Variants in NEGR1 observed in about 807,000 individuals in gnomAD.
NEGR1 encodes IgLON family member 4.
A neutral mutation model predicts 40.9 loss-of-function variants in NEGR1; 10 were observed. The ratio of observed to expected loss-of-function variants is 0.24; its 90% CI spans 0.15 to 0.42. The LOEUF (loss-of-function observed/expected upper bound fraction) is 0.42. Ranked by LOEUF, NEGR1 falls within the 10% of genes least tolerant of loss-of-function variation. The pLI is 1.00. For missense variants in NEGR1, 352 were observed against 438.9 expected (o/e 0.80, Z 1.77); for synonymous variants, 185 against 166.8 (o/e 1.11, Z -0.84).
intron 1 of NEGR1, among the ~76,000 whole-genome samples, chr1:72,185,516 T>C (rs995319969): frequency 2.0e-5 from 3 of 151,858 alleles, no homozygotes; most frequent in African/African-American, 7.2e-5. Context: ...AGGAGAGCTG[T>C]AGAATGGCTG....
intron 1 of NEGR1, among the ~76,000 whole-genome samples, chr1:72,076,706 ACACACATGCGTG>A (rs144632222): frequency 0.024 from 3,724 of 152,164 alleles, 143 homozygotes; most frequent in African/African-American, 0.084. Context: ...ATACATATAT[ACACACATGCGTG>A]CACACGCGCA....
At chr1:71,697,844 A>G in intron 4 of NEGR1, 164 bp downstream of exon 4, 1 of 620,166 alleles carries the variant, frequency 1.6e-6, no homozygotes, top group South Asian at 2.1e-5. Context: ...TGTTACATTA[A>G]CCAATTTAAC....
At chr1:71,658,235 C>T (rs1319799660) in intron 4 of NEGR1, among the ~76,000 whole-genome samples, 3 of 152,070 alleles carry the variant, frequency 2.0e-5, no homozygotes, top group African/African-American at 2.4e-5. Context: ...TAGTGTGTGA[C>T]GTATAGCAAT....
chr1:71,853,254 G>GA (rs1367500307), intron 2 of NEGR1, among the ~76,000 whole-genome samples: 1 of 152,042 alleles, frequency 6.6e-6, no homozygotes, highest in African/African-American at 2.4e-5. Flanking sequence ...TATTTTTACA[G>GA]ATGCTACTCA....
chr1:72,184,459 A>G (rs1172032104), intron 1 of NEGR1, among the ~76,000 whole-genome samples: 1 of 152,086 alleles, frequency 6.6e-6, no homozygotes, highest in Non-Finnish European at 1.5e-5. Context: ...AGCTCCATGA[A>G]CTAAGAGAGA....
chr1:71,805,350 T>C (rs1430730934), intron 2 of NEGR1, among the ~76,000 whole-genome samples: 2 of 152,176 alleles, frequency 1.3e-5, no homozygotes, highest in Non-Finnish European at 2.9e-5. Context: ...TTGAAATCAC[T>C]AATAAAAACT....
intron 6 of NEGR1, among the ~76,000 whole-genome samples, chr1:71,562,809 A>T (rs1211547207): frequency 6.6e-6 from 1 of 151,990 alleles, no homozygotes; most frequent in African/African-American, 2.4e-5. Context: ...TCACGTAAAC[A>T]GTTCAACTGC....
At chr1:72,243,010 G>A (rs779117096) in intron 1 of NEGR1, among the ~76,000 whole-genome samples, 13 of 151,496 alleles carry the variant, frequency 8.6e-5, no homozygotes, top group Non-Finnish European at 1.8e-4. Flanking sequence ...ATTCATTGAA[G>A]ACAGAATAAT....
chr1:71,582,665 G>T (rs1335468603), intron 6 of NEGR1, among the ~76,000 whole-genome samples: 2 of 152,094 alleles, frequency 1.3e-5, no homozygotes, highest in African/African-American at 4.8e-5. Flanking sequence ...AATATGCTTT[G>T]GGCAGCCAAT....
chr1:71,794,584 G>A (rs762971350), intron 2 of NEGR1: 8 of 151,934 alleles, frequency 5.3e-5, no homozygotes, highest in Non-Finnish European at 8.8e-5. Context: ...CTCATGCCAT[G>A]TACATAAATA....
intron 6 of NEGR1, among the ~76,000 whole-genome samples, chr1:71,527,405 ATCCAT>A (rs1441263354): frequency 9.7e-5 from 4 of 41,084 alleles, no homozygotes; most frequent in Non-Finnish European, 2.1e-4. Context: ...TCCAACCACC[ATCCAT>A]CCATCCATCC....
At chr1:72,142,808 T>C (rs1215536349) in intron 1 of NEGR1, among the ~76,000 whole-genome samples, 5 of 151,836 alleles carry the variant, frequency 3.3e-5, no homozygotes, top group Non-Finnish European at 4.4e-5. Flanking sequence ...CCTATTCCTT[T>C]TCTTGAAATC....
intron 3 of NEGR1, among the ~76,000 whole-genome samples, chr1:71,753,480 C>G (rs1008979810): frequency 6.6e-6 from 1 of 152,088 alleles, no homozygotes; most frequent in Non-Finnish European, 1.5e-5. Context: ...TCTCAGGAGT[C>G]TTTTGCCCAT....
At chr1:71,824,406 G>C (rs1042270882) in intron 2 of NEGR1, among the ~76,000 whole-genome samples, 3 of 150,698 alleles carry the variant, frequency 2.0e-5, no homozygotes, top group African/African-American at 7.3e-5. Context: ...AAAATCAGAA[G>C]ACCTGGATTC....
chr1:71,931,879 C>A (rs1353327516), intron 2 of NEGR1, among the ~76,000 whole-genome samples: 1 of 152,106 alleles, frequency 6.6e-6, no homozygotes, highest in African/African-American at 2.4e-5. Context: ...GCCTCACACA[C>A]TTTTATACTT....
At chr1:72,019,394 A>G (rs551816436) in intron 1 of NEGR1, among the ~76,000 whole-genome samples, 1 of 152,340 alleles carries the variant, frequency 6.6e-6, no homozygotes, top group East Asian at 1.9e-4. Context: ...CTTGGTTTAC[A>G]CTAGAAAATA....
chr1:71,611,211 A>T lies in NEGR1; in HGVS notation c.668-65T>A, dbSNP rs523835. 4,773 of 1,429,006 alleles carry T rather than the reference A, an allele frequency of 3.3e-3. 119 individuals carry two copies. In the African/African-American group the frequency reaches 0.06, roughly 18 times the overall value. 88.5% of individuals were successfully genotyped at this position (1,429,006 alleles called of 1,614,324 possible). On this transcript the variant is annotated intron_variant, in intron 4 of 6. Transcript: ENST00000357731. Reference sequence around the variant, plus strand: ...AAAAATAATCCTCAACAGAAATATGACACACATATATTTTTATTCCTTCTA... The same window carrying T: ...AAAAATAATCCTCAACAGAAATATGTCACACATATATTTTTATTCCTTCTA...
At chr1:71,729,169 G>A (rs1441657493) in intron 3 of NEGR1, among the ~76,000 whole-genome samples, 2 of 151,966 alleles carry the variant, frequency 1.3e-5, no homozygotes, top group African/African-American at 2.4e-5. Context: ...TTTGCACAGG[G>A]TGCTGCCTCT....
intron 1 of NEGR1, among the ~76,000 whole-genome samples, chr1:72,154,007 A>G (rs1651261610): frequency 6.6e-6 from 1 of 151,876 alleles, no homozygotes; most frequent in East Asian, 1.9e-4. Flanking sequence ...ATGTCATCTT[A>G]TAAAAAAATT....
Sources: allele counts gnomAD v4.1 joint callset (sites outside exome capture counted in the v4.1 genomes callset), GRCh38; gene constraint gnomAD v4.1.1; transcripts MANE v1.5; gene names NCBI Gene and HGNC (gene_info 2026-07-23, HGNC 2026-07-21).